Variants in NUSAP1 observed in about 807,000 individuals in gnomAD.
NUSAP1 encodes the protein nucleolar and spindle associated protein 1, also known as nucleolar and spindle-associated protein 1.
NUSAP1 carries 32 observed loss-of-function variants against 52.8 expected under a neutral mutation model. That is an observed-to-expected ratio of 0.61 (90% CI 0.46 to 0.81). NUSAP1 has a LOEUF of 0.81. NUSAP1 is among the 40% of genes least tolerant of loss of function. NUSAP1 has a pLI of 0.00. For missense variants in NUSAP1, 499 were observed against 522.3 expected (o/e 0.96, Z 0.43); for synonymous variants, 195 against 183.1 (o/e 1.06, Z -0.52).
chr15:41,338,171 G>C (rs1008240652), intron 1 of NUSAP1, among the ~76,000 whole-genome samples: 11 of 152,002 alleles, frequency 7.2e-5, no homozygotes, highest in African/African-American at 2.7e-4. Context: ...CTGACCTCAA[G>C]TGATCCACCT....
At chr15:41,346,535 A>G (rs554340989) in intron 2 of NUSAP1, among the ~76,000 whole-genome samples, 10 of 151,980 alleles carry the variant, frequency 6.6e-5, no homozygotes, top group South Asian at 4.2e-4. Context: ...GGAACTTTTT[A>G]AAAATACGGA....
chr15:41,358,835 T>C (rs1311915272), intron 6 of NUSAP1, among the ~76,000 whole-genome samples: 1 of 152,226 alleles, frequency 6.6e-6, no homozygotes, highest in Non-Finnish European at 1.5e-5. Context: ...TTACTTTCAT[T>C]GATGATGAAC....
chr15:41,350,900 C>G (rs1031307891), intron 3 of NUSAP1, 88 bp from the exon 4 acceptor site: 2 of 1,174,750 alleles, frequency 1.7e-6, no homozygotes, highest in East Asian at 2.5e-5. Context: ...CCTTTAACCC[C>G]TTTTCCCCCT....
At chr15:41,362,012 A>T (rs1398629864) in intron 6 of NUSAP1, among the ~76,000 whole-genome samples, 1 of 152,098 alleles carries the variant, frequency 6.6e-6, no homozygotes, top group Non-Finnish European at 1.5e-5. Context: ...ATGATAACAA[A>T]AGACAGACTT....
At chr15:41,355,183 A>AT (rs879303518) in intron 4 of NUSAP1, among the ~76,000 whole-genome samples, 2 of 149,760 alleles carry the variant, frequency 1.3e-5, no homozygotes, top group African/African-American at 2.5e-5. Context: ...GTATTTATTT[A>AT]TTTTTTTTGA....
chr15:41,349,067 G>A (rs1323664329), intron 2 of NUSAP1, 31 bp from the exon 3 acceptor site: 2 of 1,604,880 alleles, frequency 1.2e-6, no homozygotes, highest in Admixed American at 1.7e-5. Flanking sequence ...TGTAGACATA[G>A]CACATAGCAG....
intron 6 of NUSAP1, among the ~76,000 whole-genome samples, chr15:41,364,195 T>G (rs1595580450): frequency 6.6e-6 from 1 of 152,132 alleles, no homozygotes; most frequent in East Asian, 1.9e-4. Context: ...AAAATAATCT[T>G]TTTTTCTTCC....
At chr15:41,339,433 G>A (rs1436054734) in intron 1 of NUSAP1, among the ~76,000 whole-genome samples, 4 of 145,416 alleles carry the variant, frequency 2.8e-5, no homozygotes, top group South Asian at 2.1e-4. Context: ...TTTTTGAGAC[G>A]GAGTTTCGCT....
Position 41,332,902 on chromosome 15 carries a change from G to A in NUSAP1, c.-56G>A, listed in dbSNP as rs537788212. 7.2e-6 allele frequency: 10 copies of A among 1,391,530 alleles called. No individual in the cohort carries two copies. The highest frequency in any genetic ancestry group is 1.2e-5 in the South Asian group (1 of 82,036). The allele number at this position is 1,391,530 out of a possible 1,614,324, so 86.2% of individuals were successfully genotyped here. A position where few individuals can be genotyped will look rare whatever the true frequency, so the allele number is the denominator to read the frequency against. On this transcript the variant is annotated 5_prime_UTR_variant, in exon 1 of 11. Transcript: ENST00000559596. ...AAGAGTGGCGCCAGGGATTTGAACC[G>A]CGCTGACGAAGTTTGGTGATCCATC...
chr15:41,378,991 A>G (rs1262300351), intron 10 of NUSAP1, among the ~76,000 whole-genome samples: 1 of 100,976 alleles, frequency 9.9e-6, no homozygotes, highest in Middle Eastern at 0.013. Context: ...TCTCGCTCTG[A>G]TGCCCAGGCT....
chr15:41,339,058 G>A (rs751802384), intron 1 of NUSAP1, among the ~76,000 whole-genome samples: 40 of 152,098 alleles, frequency 2.6e-4, no homozygotes, highest in South Asian at 2.1e-4. Flanking sequence ...TCTTTCCAGT[G>A]TAATGAGAGA....
chr15:41,377,629 G>T (rs1164109017), intron 10 of NUSAP1, among the ~76,000 whole-genome samples: 4 of 146,804 alleles, frequency 2.7e-5, no homozygotes, highest in Non-Finnish European at 6.0e-5. Flanking sequence ...AACCCAGGAG[G>T]CAGAGCTTGC....
intron 1 of NUSAP1, among the ~76,000 whole-genome samples, chr15:41,334,175 G>A (rs1385666056): frequency 1.3e-5 from 2 of 152,106 alleles, no homozygotes; most frequent in Admixed American, 6.5e-5. Flanking sequence ...CTGGAGTGCA[G>A]TGGCGCCATC....
At chr15:41,336,688 G>A (rs1595520324) in intron 1 of NUSAP1, among the ~76,000 whole-genome samples, 1 of 71,004 alleles carries the variant, frequency 1.4e-5, no homozygotes, top group Non-Finnish European at 2.8e-5. Flanking sequence ...GTCTCGCTCT[G>A]TTGCCTAGGC....
intron 2 of NUSAP1, chr15:41,345,386 TA>T: frequency 2.6e-6 from 1 of 382,086 alleles, no homozygotes; most frequent in Non-Finnish European, 5.0e-6. Context: ...GCTCCTTTTT[TA>T]GCTCATCTTG....
At chr15:41,367,006 C>T (rs1336286231) in intron 7 of NUSAP1, among the ~76,000 whole-genome samples, 1 of 152,190 alleles carries the variant, frequency 6.6e-6, no homozygotes, top group Non-Finnish European at 1.5e-5. Flanking sequence ...ATTTTAGTGG[C>T]ATTTGTAAGT....
intron 7 of NUSAP1, among the ~76,000 whole-genome samples, chr15:41,368,242 T>G (rs2049502153): frequency 6.6e-6 from 1 of 152,114 alleles, no homozygotes; most frequent in African/African-American, 2.4e-5. Flanking sequence ...GGTCTTGAAC[T>G]CCTGGCCTCA....
At chr15:41,348,558 A>G (rs2048665970) in intron 2 of NUSAP1, among the ~76,000 whole-genome samples, 1 of 152,022 alleles carries the variant, frequency 6.6e-6, no homozygotes, top group Admixed American at 6.6e-5. Context: ...AACTTTGAAT[A>G]CTTTACTACC....
At chr15:41,336,580 G>C (rs1375984246) in intron 1 of NUSAP1, among the ~76,000 whole-genome samples, 2 of 149,234 alleles carry the variant, frequency 1.3e-5, no homozygotes, top group African/African-American at 5.0e-5. Context: ...ACCTAACTTT[G>C]TTGAGCGAAC....
Sources: allele counts gnomAD v4.1 joint callset (sites outside exome capture counted in the v4.1 genomes callset), GRCh38; gene constraint gnomAD v4.1.1; transcripts MANE v1.5; gene names NCBI Gene and HGNC (gene_info 2026-07-23, HGNC 2026-07-21).